Variants in LTBP3 observed in about 807,000 individuals in gnomAD.
LTBP3 encodes latent-transforming growth factor beta-binding protein 3.
Under a neutral mutation model 159.7 loss-of-function variants are expected in LTBP3, and 97 were observed. The ratio of observed to expected loss-of-function variants is 0.61; its 90% CI spans 0.52 to 0.72. The LOEUF is 0.72. Among genes scored for constraint, LTBP3 ranks in the 30% least tolerant of loss-of-function variants. LTBP3 has a pLI of 0.00. For missense variants in LTBP3, 1,584 were observed against 1,864.3 expected (o/e 0.85, Z 2.77); for synonymous variants, 824 against 777.1 (o/e 1.06, Z -1.00).
At chr11:65,550,257 A>G (rs1316316834) in intron 11 of LTBP3, among the ~76,000 whole-genome samples, 1 of 151,782 alleles carries the variant, frequency 6.6e-6, no homozygotes, top group East Asian at 1.9e-4. Flanking sequence ...AAAATACACA[A>G]AAAAATTAGC....
At chr11:65,551,663 G>A (rs555487340) in intron 8 of LTBP3, 99 bp from the exon 9 acceptor site, 222 of 1,467,216 alleles carry the variant, frequency 1.5e-4, no homozygotes, top group Admixed American at 7.0e-4. Context: ...GTCTCTGGGA[G>A]TTCAACAATC....
chr11:65,543,441 C>T lies in LTBP3; in HGVS notation c.2462G>A (p.Arg821Gln), dbSNP rs747785206. 32 of 1,613,976 alleles carry T rather than the reference C, an allele frequency of 2.0e-5. No homozygotes were observed. Among genetic ancestry groups the T allele is most frequent in the Non-Finnish European group, 2.5e-5 (30 of 1,179,992 alleles). ...CLSGYHLSRD[R>Q]SHCEDIDECD... The stretch of plus-strand genomic sequence containing the variant: ...AGATCCCTCACCCTCGCAGTGGCTC[C>T]GGTCCCTGGACAGATGGTAGCCAGA... Residue 821 changes from arginine (R) to glutamine (Q), a missense_variant, in exon 17 of 28, where the codon CGG (arginine) becomes CAG (glutamine). Transcript: ENST00000301873.
rs201473453 is a variant in LTBP3, at chr11:65,541,733, G to A, written c.2597-5C>T. 4.2e-5 allele frequency: 68 copies of A among 1,613,906 alleles called. No individual in the cohort carries two copies. Among genetic ancestry groups the A allele is most frequent in the Middle Eastern group, 3.3e-4 (2 of 6,054 alleles). ...CCTGGCTGCACTCATCTATGTCTGC[G>A]GGGCAAGAGTAGCGCAGCTGGAAAC... On this transcript the variant is annotated splice_region_variant and splice_polypyrimidine_tract_variant and intron_variant, in intron 18 of 27. Coordinates refer to ENST00000301873, the MANE Select transcript of LTBP3 (RefSeq NM_001130144.3).
At chr11:65,542,872 G>A in intron 18 of LTBP3, 1 of 569,398 alleles carries the variant, frequency 1.8e-6, no homozygotes, top group East Asian at 3.3e-5. Context: ...AAGACTGGAA[G>A]GCTGAGCAGA....
chr11:65,551,081 G>A (rs760612211), intron 11 of LTBP3, 45 bp downstream of exon 11: 3 of 1,477,412 alleles, frequency 2.0e-6, no homozygotes, highest in Non-Finnish European at 1.8e-6. Flanking sequence ...AAACTAAAGT[G>A]GGGGCGTGGC....
In LTBP3 at chr11:65,547,047, GC is replaced by G. The variant is rs1856403830; in HGVS notation, c.2108-128del. 1 of 1,367,090 alleles carries G rather than the reference GC, an allele frequency of 7.3e-7. No individual in the cohort carries two copies. Among genetic ancestry groups the G allele is most frequent in the African/African-American group, 1.4e-5 (1 of 69,642 alleles). The allele number at this position is 1,367,090 out of a possible 1,614,324, so 84.7% of individuals were successfully genotyped here. A position where few individuals can be genotyped will look rare whatever the true frequency, so the allele number is the denominator to read the frequency against. ...GCTCCCGGACCCCAACCTCTGAGAG[GC>G]CCAGAGCCGAGCATACAGGCCGGGT... On this transcript the variant is annotated intron_variant, in intron 14 of 27. Coordinates refer to ENST00000301873, the MANE Select transcript of LTBP3 (RefSeq NM_001130144.3). The surrounding 1 kb of genome is among the most constrained non-coding windows in gnomAD (Gnocchi z 4.6).
At chr11:65,542,156 G>GTTC in intron 18 of LTBP3, 1 of 268,270 alleles carries the variant, frequency 3.7e-6, no homozygotes, top group Non-Finnish European at 7.5e-6. Flanking sequence ...GACTTCTCGT[G>GTTC]CCTTGCCTTT....
chr11:65,538,984 T>C lies in LTBP3; in HGVS notation c.*96A>G, dbSNP rs2135113706. 12 of 1,315,338 alleles carry C rather than the reference T, an allele frequency of 9.1e-6. No homozygotes were observed. The South Asian group carries it at 2.3e-4, about 25-fold the overall frequency. 81.5% of individuals were successfully genotyped at this position (1,315,338 alleles called of 1,614,324 possible). On this transcript the variant is annotated 3_prime_UTR_variant, in exon 28 of 28. Transcript: ENST00000301873. The stretch of plus-strand genomic sequence containing the variant: ...AGGGTCTGCGGGCCCTGAAGGTCCC[T>C]GGGTCCGAGCCACAAGTCGGGGCAG...
Position 65,551,555 on chromosome 11 carries a change from G to T in LTBP3, c.1541C>A (p.Thr514Lys). ...EDTEEERGVT[T>K]DSPVSEERSV... ...CTGGGTTCTCATACTCACTGAGTCC[G>T]TGGTCACCCCTAAAAGGGAAGAAGA... Residue 514 changes from threonine (T) to lysine (K), a missense_variant, in exon 9 of 28, where the codon ACG becomes AAG. Transcript: ENST00000301873. 6.2e-7 allele frequency: 1 copy of T among 1,614,004 alleles called. No individual in the cohort carries two copies. Among genetic ancestry groups the T allele is most frequent in the Non-Finnish European group, 8.5e-7 (1 of 1,180,010 alleles).
rs200386746 is a variant in LTBP3, at chr11:65,540,828, G to C, written c.2977+43C>G. The C allele has an allele frequency of 1.3e-5, 20 of 1,576,730 alleles. No individual in the cohort carries two copies. In the East Asian group the frequency reaches 4.1e-4, roughly 32 times the overall value. On this transcript the variant is annotated intron_variant, in intron 21 of 27. Coordinates refer to ENST00000301873, the MANE Select transcript of LTBP3 (RefSeq NM_001130144.3). ...GGCGGGATCCGGGCGAGCCCAACCC[G>C]GGGTGAGAGGGCGCGGGGCGGGCGG...
In LTBP3 at chr11:65,551,969, GA is replaced by G. The variant is rs762654687; in HGVS notation, c.1531+2del. ...TCAGGGATCAGAAGGGGTCAGGCTA[GA>G]CCTCTCTCTTCCTCTGTGTCCTCAG... On this transcript the variant is annotated splice_donor_variant, in intron 8 of 27. Transcript: ENST00000301873. LOFTEE classifies it high-confidence loss of function. The G allele has an allele frequency of 6.2e-6, 10 of 1,613,916 alleles. No individual in the cohort carries two copies. The highest frequency in any genetic ancestry group is 3.4e-6 in the Non-Finnish European group (4 of 1,179,978).
At position 65,546,091 on chromosome 11, in the gene LTBP3, C is replaced by T; in HGVS notation, c.2353+351G>A. ...CACTGCATGCTACAGTCTGTCTTTC[C>T]TTCTCCAGTTTTCAATGAGTCCCAG... On this transcript the variant is annotated intron_variant, in intron 16 of 27. Transcript: ENST00000301873. This position sits in a 1 kb window ranked among gnomAD's most constrained non-coding sequence, Gnocchi z 4.0. 1 of 329,472 alleles carries T rather than the reference C, an allele frequency of 3.0e-6. No individual in the cohort carries two copies. Among genetic ancestry groups the T allele is most frequent in the Non-Finnish European group, 5.7e-6 (1 of 176,882 alleles). The allele number at this position is 329,472 out of a possible 1,614,324, so 20.4% of individuals were successfully genotyped here.
rs771025582 is a variant in LTBP3, at chr11:65,551,228, CG to C, written c.1622-5del. 15 of 1,545,356 alleles carry C rather than the reference CG, an allele frequency of 9.7e-6. No individual in the cohort carries two copies. Among genetic ancestry groups the C allele is most frequent in the Non-Finnish European group, 1.3e-5 (15 of 1,147,006 alleles). On this transcript the variant is annotated splice_polypyrimidine_tract_variant and splice_region_variant and intron_variant, in intron 10 of 27. Coordinates refer to ENST00000301873, the MANE Select transcript of LTBP3 (RefSeq NM_001130144.3). The stretch of plus-strand genomic sequence containing the variant: ...GGCGAGGGACGGGAGATCAGCTCTG[CG>C]GGCGGCAGTGCACTCTGGTCAGAGA...
rs566963431 is a variant in LTBP3 at position 65,554,124 on chromosome 11, C to T, written c.588G>A (p.Gly196=). The T allele has an allele frequency of 1.2e-6, 2 of 1,611,402 alleles. No homozygotes were observed. Among genetic ancestry groups the T allele is most frequent in the East Asian group, 4.5e-5 (2 of 44,842 alleles). The stretch of plus-strand genomic sequence containing the variant: ...GCTGGGCAGGAGGCCCCTCCCCGGG[C>T]CCAGGAGGGTCAGCGATCACCTGGA... ...YAVQVIADPP[G]PGEGPPAQHA... Residue 196 remains glycine (G), a synonymous_variant, in exon 2 of 28, where the codon GGG becomes GGA. Transcript: ENST00000301873. The surrounding 1 kb of genome is among the most constrained non-coding windows in gnomAD (Gnocchi z 5.3).
chr11:65,539,887 G>C lies in LTBP3; in HGVS notation c.3386-6C>G. 6.6e-7 allele frequency: 1 copy of C among 1,510,832 alleles called. No homozygotes were observed. The highest frequency in any genetic ancestry group is 8.8e-7 in the Non-Finnish European group (1 of 1,136,960). The allele number at this position is 1,510,832 out of a possible 1,614,324, so 93.6% of individuals were successfully genotyped here. A position where few individuals can be genotyped will look rare whatever the true frequency, so the allele number is the denominator to read the frequency against. ...GCGCCGCTCCGGGGCACGCTCTGCG[G>C]AAGACACCTGGCATCAGGGGAGGGG... On this transcript the variant is annotated splice_region_variant and splice_polypyrimidine_tract_variant and intron_variant, in intron 24 of 27. Coordinates refer to ENST00000301873, the MANE Select transcript of LTBP3 (RefSeq NM_001130144.3).
chr11:65,557,904 C>A lies in LTBP3; in HGVS notation c.56G>T (p.Gly19Val), dbSNP rs1226890323. The change falls in exon 1 of 28, where the codon GGG becomes GTG. Residue 19 changes from glycine (G) to valine (V), a missense_variant. Around this residue, in one of 6 missense-constraint regions of LTBP3, gnomAD observed 79 missense variants for 64.7 expected, o/e 1.22. Coordinates refer to ENST00000301873, the MANE Select transcript of LTBP3 (RefSeq NM_001130144.3). ...GGLAPEMRGA[G>V]AAGLLALLLL... The stretch of plus-strand genomic sequence containing the variant: ...CAGCAGCGCCAGCAGCCCCGCCGCC[C>A]CCGCCCCGCGCATCTCAGGGGCCAG... 7.9e-7 allele frequency: 1 copy of A among 1,271,262 alleles called. No homozygotes were observed. Among genetic ancestry groups the A allele is most frequent in the Non-Finnish European group, 1.0e-6 (1 of 998,688 alleles). The allele number at this position is 1,271,262 out of a possible 1,614,324, so 78.7% of individuals were successfully genotyped here.
rs1292751510 is a variant in LTBP3 at position 65,540,139 on chromosome 11, G to A, written c.3259C>T (p.Gln1087Ter). 3 of 1,529,082 alleles carry A rather than the reference G, an allele frequency of 2.0e-6. No individual in the cohort carries two copies. The highest frequency in any genetic ancestry group is 1.8e-6 in the Non-Finnish European group (2 of 1,140,798). 94.7% of individuals were successfully genotyped at this position (1,529,082 alleles called of 1,614,324 possible). The stretch of plus-strand genomic sequence containing the variant: ...CCAGGGCGGCAGGCTGCCGGGTCCT[G>A]GCACTCGTCCACGTCTACGAACAGC... ...SPEEMDVDEC[Q>*]DPAACRPGRC... Residue 1087 changes from glutamine (Q) to a stop codon, truncating the protein, a stop_gained, in exon 24 of 28, where the codon CAG becomes TAG. Coordinates refer to ENST00000301873, the MANE Select transcript of LTBP3 (RefSeq NM_001130144.3). LOFTEE classifies it high-confidence loss of function.
intron 18 of LTBP3, 133 bp downstream of exon 18, chr11:65,542,972 G>A (rs983363389): frequency 1.5e-5 from 16 of 1,088,664 alleles, no homozygotes; most frequent in African/African-American, 8.5e-5. Context: ...ATGGATGGAT[G>A]GATAGATGGA....
chr11:65,553,026 G>T lies in LTBP3; in HGVS notation c.1064-44C>A, dbSNP rs1456543565. ...TGGCCCCTCTGGTCTGGGGCCATGG[G>T]GTGACAGCAGGCTGCTCCAAGAACC... is the stretch of plus-strand genomic sequence containing the variant. On this transcript the variant is annotated intron_variant, in intron 5 of 27. Transcript: ENST00000301873. The surrounding 1 kb of genome is among the most constrained non-coding windows in gnomAD (Gnocchi z 6.5). The T allele has an allele frequency of 1.9e-6, 3 of 1,613,788 alleles. No homozygotes were observed. Among genetic ancestry groups the T allele is most frequent in the Admixed American group, 3.3e-5 (2 of 59,998 alleles).
Sources: allele counts gnomAD v4.1 joint callset (sites outside exome capture counted in the v4.1 genomes callset), GRCh38; gene constraint gnomAD v4.1.1; regional missense constraint gnomAD v4.1.1; non-coding constraint Gnocchi (gnomAD v3.1); transcripts MANE v1.5; gene names NCBI Gene and HGNC (gene_info 2026-07-23, HGNC 2026-07-21).